The following TANC2 variants were observed in gnomAD, a reference collection of about 807,000 sequenced individuals.
TANC2 encodes tetratricopeptide repeat, ankyrin repeat and coiled-coil containing 2, also known as protein TANC2.
In TANC2, 26 loss-of-function variants were observed where a neutral mutation model predicts 210.5. The ratio of observed to expected loss-of-function variants is 0.12; its 90% CI spans 0.09 to 0.17. The LOEUF is 0.17. Ranked by LOEUF, TANC2 falls within the 10% of genes least tolerant of loss-of-function variation. TANC2 has a pLI of 1.00. For synonymous variants in TANC2, 931 were observed against 967.1 expected, an observed-to-expected ratio of 0.96 and a Z score of 0.69; for missense variants, 2,129 against 2,608.9, an observed-to-expected ratio of 0.82 and a Z score of 4.01.
chr17:63,385,491 A>G (rs1213783923), intron 15 of TANC2, among the ~76,000 whole-genome samples: 1 of 152,230 alleles, frequency 6.6e-6, no homozygotes, highest in Non-Finnish European at 1.5e-5. Flanking sequence ...GAACTATTCT[A>G]TTTCATATGC....
chr17:63,297,810 A>G (rs372060829), intron 9 of TANC2, among the ~76,000 whole-genome samples: 17 of 152,260 alleles, frequency 1.1e-4, no homozygotes, highest in African/African-American at 3.6e-4. Flanking sequence ...CAAATCATGT[A>G]TCTGATAAGG....
chr17:63,006,447 A>G (rs894767507), intron 1 of TANC2, among the ~76,000 whole-genome samples: 10 of 152,146 alleles, frequency 6.6e-5, no homozygotes, highest in Admixed American at 1.3e-4. Flanking sequence ...ATGAGTTCCC[A>G]TAAGTCATTT....
intron 25 of TANC2, among the ~76,000 whole-genome samples, chr17:63,415,249 G>A (rs759396658): frequency 6.6e-6 from 1 of 152,228 alleles, no homozygotes. Context: ...ATCCAGTTGG[G>A]AAGTCAGGGT....
At chr17:63,285,301 GCTTTTCT>G (rs2044187602) in intron 9 of TANC2, among the ~76,000 whole-genome samples, 1 of 151,422 alleles carries the variant, frequency 6.6e-6, no homozygotes, top group Non-Finnish European at 1.5e-5. Context: ...TTCTCATCCT[GCTTTTCT>G]CTATTTTGCT....
intron 3 of TANC2, among the ~76,000 whole-genome samples, chr17:63,092,972 C>T (rs1199928639): frequency 6.6e-6 from 1 of 152,178 alleles, no homozygotes; most frequent in African/African-American, 2.4e-5. Context: ...AGAGTTCTTA[C>T]AGCCTAACTA....
At chr17:63,369,484 ACTC>A (rs1238109951) in intron 14 of TANC2, among the ~76,000 whole-genome samples, 1 of 148,494 alleles carries the variant, frequency 6.7e-6, no homozygotes, top group Non-Finnish European at 1.5e-5. Flanking sequence ...GGACACAAGG[ACTC>A]CTCTTCCTTT....
At chr17:63,016,974 A>T (rs1001058885) in intron 2 of TANC2, among the ~76,000 whole-genome samples, 1 of 152,126 alleles carries the variant, frequency 6.6e-6, no homozygotes, top group Non-Finnish European at 1.5e-5. Context: ...TGATTTGCAA[A>T]TGTTTTCTCC....
chr17:63,184,740 G>A (rs928463145), intron 5 of TANC2, among the ~76,000 whole-genome samples: 3 of 148,768 alleles, frequency 2.0e-5, no homozygotes, highest in Admixed American at 6.8e-5. Flanking sequence ...TGCAACCTCC[G>A]CCTCCCAGGT....
chr17:63,191,334 G>A (rs568459717), intron 5 of TANC2, among the ~76,000 whole-genome samples: 2 of 148,990 alleles, frequency 1.3e-5, no homozygotes, highest in African/African-American at 2.5e-5. Context: ...TACCTTTAAT[G>A]GTGCCATAAT....
intron 5 of TANC2, among the ~76,000 whole-genome samples, chr17:63,183,884 G>A (rs1295765232): frequency 6.6e-6 from 1 of 152,120 alleles, no homozygotes; most frequent in African/African-American, 2.4e-5. Flanking sequence ...GGGCGAGGTG[G>A]CGGGCACCTG....
At chr17:63,404,973 T>A (rs2048456416) in intron 19 of TANC2, 149 bp from the exon 20 acceptor site, 1 of 969,164 alleles carries the variant, frequency 1.0e-6, no homozygotes, top group East Asian at 2.8e-5. Context: ...TCTTTAGAAC[T>A]TTTCTTTATG....
intron 5 of TANC2, among the ~76,000 whole-genome samples, chr17:63,161,708 C>G (rs1176374261): frequency 6.6e-6 from 1 of 152,160 alleles, no homozygotes; most frequent in Non-Finnish European, 1.5e-5. Context: ...TTGGTATTCT[C>G]ATTCAGGCCC....
At chr17:63,194,251 C>G in intron 6 of TANC2, 112 bp downstream of exon 6, 1 of 1,106,026 alleles carries the variant, frequency 9.0e-7, no homozygotes, top group Non-Finnish European at 1.2e-6. Flanking sequence ...CTTAACTTTC[C>G]ATAATCACTA....
intron 4 of TANC2, among the ~76,000 whole-genome samples, chr17:63,101,273 C>T (rs984065649): frequency 2.6e-5 from 4 of 152,020 alleles, no homozygotes; most frequent in East Asian, 1.9e-4. Flanking sequence ...ATTAGCCGAC[C>T]GTAAAGAAAT....
At chr17:63,419,776 A>G (rs1488234194) in intron 27 of TANC2, among the ~76,000 whole-genome samples, 1 of 152,144 alleles carries the variant, frequency 6.6e-6, no homozygotes, top group African/African-American at 2.4e-5. Flanking sequence ...ATTCCCAGAG[A>G]GGCCAGAAGG....
chr17:63,061,231 G>A (rs1295317539), intron 2 of TANC2, among the ~76,000 whole-genome samples: 2 of 152,080 alleles, frequency 1.3e-5, no homozygotes, highest in Non-Finnish European at 2.9e-5. Context: ...GCCGGGCGTG[G>A]TGGCTGGCAC....
chr17:63,049,562 A>T (rs2144363139), intron 2 of TANC2, among the ~76,000 whole-genome samples: 1 of 152,296 alleles, frequency 6.6e-6, no homozygotes, highest in East Asian at 1.9e-4. Flanking sequence ...CATGCTTCAG[A>T]AAAGTCAGAG....
Position 63,165,913 on chromosome 17 carries a change from A to G in TANC2, c.433+14533A>G, listed in dbSNP as rs1332648615. 3.3e-5 allele frequency among the ~76,000 whole-genome samples: 5 copies of G among 152,358 alleles called. 1 individual carries two copies. In the South Asian group the frequency reaches 1.0e-3, roughly 32 times the overall value. ...ATAGAAACCTCAGTTTAAAACCCAA[A>G]GGAACATTTCAGTAAGAAATATCAG... On this transcript the variant is annotated intron_variant, in intron 5 of 27. Transcript: ENST00000689528.
At chr17:63,100,759 A>G (rs1001304967) in intron 4 of TANC2, among the ~76,000 whole-genome samples, 5 of 152,172 alleles carry the variant, frequency 3.3e-5, no homozygotes, top group African/African-American at 7.2e-5. Flanking sequence ...CCATTTGCCT[A>G]TCTTAATTTG....
Sources: allele counts gnomAD v4.1 joint callset (sites outside exome capture counted in the v4.1 genomes callset), GRCh38; gene constraint gnomAD v4.1.1; transcripts MANE v1.5; gene names NCBI Gene and HGNC (gene_info 2026-07-23, HGNC 2026-07-21).